NWD2: variants seen among roughly 807,000 people sequenced by gnomAD.
The protein encoded by NWD2 is NACHT and WD repeat domain containing 2.
In NWD2, 37 loss-of-function variants were observed where a neutral mutation model predicts 132.7. The observed-to-expected ratio is 0.28, with a 90% CI of 0.21 to 0.37. The LOEUF is 0.37. NWD2 is among the 10% of genes least tolerant of loss of function. The pLI is 1.00. For synonymous variants in NWD2, 705 were observed against 803.0 expected, an observed-to-expected ratio of 0.88 and a Z score of 2.06; for missense variants, 1,592 against 2,122.4, an observed-to-expected ratio of 0.75 and a Z score of 4.91.
At chr4:37,251,951 G>A (rs1717372465) in intron 1 of NWD2, among the ~76,000 whole-genome samples, 1 of 152,180 alleles carries the variant, frequency 6.6e-6, no homozygotes, top group African/African-American at 2.4e-5. Context: ...TGCTCTTAGG[G>A]TATTTACATA....
At chr4:37,438,245 A>C (rs1426631776) in intron 5 of NWD2, among the ~76,000 whole-genome samples, 1 of 151,202 alleles carries the variant, frequency 6.6e-6, no homozygotes, top group Non-Finnish European at 1.5e-5. Context: ...TGGGCGACAG[A>C]GCGAGACTCC....
At chr4:37,327,283 T>C (rs1719193835) in intron 2 of NWD2, among the ~76,000 whole-genome samples, 1 of 152,122 alleles carries the variant, frequency 6.6e-6, no homozygotes, top group South Asian at 2.1e-4. Context: ...GGACAGCTTC[T>C]ATAAACCATG....
At chr4:37,317,866 G>A (rs192876735) in intron 1 of NWD2, among the ~76,000 whole-genome samples, 4 of 152,182 alleles carry the variant, frequency 2.6e-5, no homozygotes, top group African/African-American at 7.2e-5. Context: ...AGTGACATTG[G>A]ATTTTGATTC....
chr4:37,401,531 G>A (rs1005729641), intron 3 of NWD2, among the ~76,000 whole-genome samples: 4 of 151,868 alleles, frequency 2.6e-5, no homozygotes, highest in Non-Finnish European at 5.9e-5. Context: ...CTCTCACCTG[G>A]GCTCCTCATT....
chr4:37,286,984 C>G (rs2109270474), intron 1 of NWD2, among the ~76,000 whole-genome samples: 1 of 152,192 alleles, frequency 6.6e-6, no homozygotes, highest in African/African-American at 2.4e-5. Flanking sequence ...GTTCTCTCAT[C>G]AGAACTGACG....
chr4:37,431,015 T>G (rs1173586014), intron 4 of NWD2, among the ~76,000 whole-genome samples: 1 of 151,998 alleles, frequency 6.6e-6, no homozygotes, highest in Non-Finnish European at 1.5e-5. Context: ...CAAAAGATAA[T>G]AGGAGTTGGA....
At chr4:37,289,668 A>G (rs560033263) in intron 1 of NWD2, among the ~76,000 whole-genome samples, 16 of 152,348 alleles carry the variant, frequency 1.1e-4, no homozygotes, top group African/African-American at 3.6e-4. Flanking sequence ...AAATTTACAC[A>G]GTGAAATGTA....
At chr4:37,419,651 A>C (rs569847012) in intron 3 of NWD2, among the ~76,000 whole-genome samples, 39 of 152,290 alleles carry the variant, frequency 2.6e-4, no homozygotes, top group African/African-American at 9.4e-4. Context: ...ATATGACAAA[A>C]TGTTGAGCTG....
chr4:37,444,899 A>T lies in NWD2; in HGVS notation c.2911A>T (p.Thr971Ser), dbSNP rs192511778. ...CTTATCATCCAGTCACCTGCATGTC[A>T]CAGAGATCCTGCCTACCTGTAACCC... ...LPLSSSHLHVTEILPTCNPST... is the reference protein window; with the variant it reads ...LPLSSSHLHVSEILPTCNPST... The change falls in exon 7 of 7, where the codon ACA becomes TCA. Residue 971 changes from threonine to serine, a missense_variant. Thr to Ser is a moderately conservative substitution (Grantham distance 58). Transcript: ENST00000309447. This position sits in a 1 kb window ranked among gnomAD's most constrained non-coding sequence, Gnocchi z 4.8. 549 of 1,552,246 alleles carry T rather than the reference A, an allele frequency of 3.5e-4. 3 individuals are homozygous for T. The highest frequency in any genetic ancestry group is 7.5e-5 in the Non-Finnish European group (86 of 1,147,126).
intron 3 of NWD2, among the ~76,000 whole-genome samples, chr4:37,424,414 T>C (rs1711930638): frequency 6.6e-6 from 1 of 152,146 alleles, no homozygotes; most frequent in African/African-American, 2.4e-5. Context: ...CCTGCTGAGG[T>C]CTGGGAGCCT....
intron 5 of NWD2, among the ~76,000 whole-genome samples, chr4:37,436,355 C>T (rs924346541): frequency 6.6e-6 from 1 of 152,098 alleles, no homozygotes; most frequent in Non-Finnish European, 1.5e-5. Flanking sequence ...GCATGCACTT[C>T]GCCTCTAAAA....
intron 1 of NWD2, among the ~76,000 whole-genome samples, chr4:37,277,577 TA>T (rs1308204751): frequency 1.3e-5 from 2 of 152,090 alleles, no homozygotes; most frequent in African/African-American, 4.8e-5. Flanking sequence ...TTTTCAACTC[TA>T]AATTTAAAAA....
chr4:37,248,937 G>A (rs935532691), intron 1 of NWD2, among the ~76,000 whole-genome samples: 2 of 152,122 alleles, frequency 1.3e-5, no homozygotes, highest in Non-Finnish European at 2.9e-5. Flanking sequence ...TGTGGGTTCT[G>A]GGGTAACAAC....
intron 1 of NWD2, among the ~76,000 whole-genome samples, chr4:37,289,901 A>G (rs570936497): frequency 6.8e-6 from 1 of 146,996 alleles, no homozygotes; most frequent in South Asian, 2.1e-4. Flanking sequence ...TTTTTTCCGG[A>G]GTTGTTGGTT....
chr4:37,406,194 AGTG>A (rs1720999562), intron 3 of NWD2, among the ~76,000 whole-genome samples: 1 of 152,228 alleles, frequency 6.6e-6, no homozygotes, highest in Admixed American at 6.5e-5. Context: ...ATGCAGAGTA[AGTG>A]ATATTAGAAA....
intron 1 of NWD2, among the ~76,000 whole-genome samples, chr4:37,274,025 A>G (rs1290161247): frequency 6.6e-6 from 1 of 152,206 alleles, no homozygotes; most frequent in Non-Finnish European, 1.5e-5. Flanking sequence ...AAAGAACTAG[A>G]GAAGCAAGAG....
intron 1 of NWD2, among the ~76,000 whole-genome samples, chr4:37,302,249 A>G (rs776517971): frequency 3.3e-5 from 5 of 151,910 alleles, no homozygotes; most frequent in Admixed American, 6.6e-5. Flanking sequence ...ACCTATTATA[A>G]TGTCCTCCAG....
Position 37,430,624 on chromosome 4 carries a change from C to A in NWD2, c.410C>A (p.Ala137Asp). The change falls in exon 4 of 7, where the codon GCC becomes GAC. Residue 137 changes from alanine to aspartate, a missense_variant. Ala to Asp is a moderately radical substitution (Grantham distance 126). Transcript: ENST00000309447. Reference sequence around the variant, plus strand: ...ATCCGAATCCCTGGAGAAGTTGAAGCCTCAGAGTTTGAAATGATTTTGGAT... The same window carrying A: ...ATCCGAATCCCTGGAGAAGTTGAAGACTCAGAGTTTGAAATGATTTTGGAT... ...GNIRIPGEVEASEFEMILDAA... is the reference protein window; with the variant it reads ...GNIRIPGEVEDSEFEMILDAA... 1 of 1,551,516 alleles carries A rather than the reference C, an allele frequency of 6.4e-7. No individual in the cohort carries two copies. Among genetic ancestry groups the A allele is most frequent in the Non-Finnish European group, 8.7e-7 (1 of 1,146,880 alleles).
intron 1 of NWD2, among the ~76,000 whole-genome samples, chr4:37,306,934 G>T (rs1718721321): frequency 6.6e-6 from 1 of 151,594 alleles, no homozygotes; most frequent in Middle Eastern, 3.4e-3. Flanking sequence ...TGAGGCAGGA[G>T]AATCACTTGA....
Sources: allele counts gnomAD v4.1 joint callset (sites outside exome capture counted in the v4.1 genomes callset), GRCh38; gene constraint gnomAD v4.1.1; non-coding constraint Gnocchi (gnomAD v3.1); transcripts MANE v1.5; gene names NCBI Gene and HGNC (gene_info 2026-07-23, HGNC 2026-07-21).